The following ADAMTS12 variants were observed in gnomAD, a reference collection of about 807,000 sequenced individuals.
The protein encoded by ADAMTS12 is A disintegrin and metalloproteinase with thrombospondin motifs 12.
ADAMTS12 carries 118 observed loss-of-function variants against 167.8 expected under a neutral mutation model. The observed-to-expected ratio is 0.70, with a 90% CI of 0.61 to 0.82. The LOEUF is 0.82. Among genes scored for constraint, ADAMTS12 ranks in the 40% least tolerant of loss-of-function variants. The pLI is 0.00. For missense variants in ADAMTS12, 1,916 were observed against 1,998.8 expected, an observed-to-expected ratio of 0.96 and a Z score of 0.79; for synonymous variants, 704 against 716.9, an observed-to-expected ratio of 0.98 and a Z score of 0.29.
intron 5 of ADAMTS12, among the ~76,000 whole-genome samples, chr5:33,669,258 TCTC>T (rs1374466503): frequency 1.3e-5 from 2 of 152,202 alleles, no homozygotes; most frequent in Non-Finnish European, 2.9e-5. Flanking sequence ...CTCCAGTCTT[TCTC>T]CTGTTTCCTA....
At position 33,534,947 on chromosome 5, in the gene ADAMTS12, A is replaced by T. The variant is rs1426625246; in HGVS notation, c.4492T>A (p.Cys1498Ser). ...GTTTTATTGCCCTCTGAGGGCACAC[A>T]TTGGACAGTCCTCTTCTGAAAGCCA... ...GGGFQKRTVQ[C>S]VPSEGNKTED... is the part of the protein sequence containing the mutation. The change falls in exon 23 of 24, where the codon TGT (cysteine) becomes AGT (serine). Residue 1498 changes from cysteine (C) to serine (S), a missense_variant. Physicochemically the swap from Cys to Ser is moderately radical, Grantham distance 112. Transcript: ENST00000504830. 6 of 1,613,738 alleles carry T rather than the reference A, an allele frequency of 3.7e-6. No homozygotes were observed. Among genetic ancestry groups the T allele is most frequent in the Non-Finnish European group, 5.1e-6 (6 of 1,179,960 alleles).
chr5:33,620,849 A>C (rs1395066724), intron 14 of ADAMTS12, among the ~76,000 whole-genome samples: 1 of 152,200 alleles, frequency 6.6e-6, no homozygotes, highest in Non-Finnish European at 1.5e-5. Flanking sequence ...AACATTTTTC[A>C]ATGTATTTAT....
At chr5:33,846,772 A>AG (rs2111621871) in intron 2 of ADAMTS12, among the ~76,000 whole-genome samples, 1 of 152,328 alleles carries the variant, frequency 6.6e-6, no homozygotes, top group South Asian at 2.1e-4. Flanking sequence ...TGTTCTGATT[A>AG]AGGAAATGTT....
intron 7 of ADAMTS12, among the ~76,000 whole-genome samples, chr5:33,657,471 A>C (rs1470298102): frequency 6.6e-6 from 1 of 152,170 alleles, no homozygotes; most frequent in Non-Finnish European, 1.5e-5. Context: ...GAAAGTTACA[A>C]ATAAGCTAAG....
chr5:33,740,872 G>A (rs535862994), intron 3 of ADAMTS12, among the ~76,000 whole-genome samples: 3 of 152,194 alleles, frequency 2.0e-5, no homozygotes, highest in Non-Finnish European at 4.4e-5. Flanking sequence ...GAGGTGGACC[G>A]TGAGTGAGGC....
intron 3 of ADAMTS12, among the ~76,000 whole-genome samples, chr5:33,742,073 G>C (rs775583280): frequency 2.0e-5 from 3 of 152,090 alleles, no homozygotes; most frequent in Non-Finnish European, 2.9e-5. Flanking sequence ...TGAGGGCAGG[G>C]TCTAATTTGA....
In ADAMTS12 at chr5:33,658,429, T is replaced by A; in HGVS notation, c.1041-96A>T. The A allele has an allele frequency of 2.1e-6, 3 of 1,420,580 alleles. No homozygotes were observed. In the Admixed American group the frequency reaches 6.2e-5, roughly 29 times the overall value. 88.0% of individuals were successfully genotyped at this position (1,420,580 alleles called of 1,614,324 possible). On this transcript the variant is annotated intron_variant, in intron 6 of 23. Coordinates refer to ENST00000504830, the MANE Select transcript of ADAMTS12 (RefSeq NM_030955.4). ...GGGTATAAACTCACATTCAATATGG[T>A]CTGTAAAGTATGCTTGGCATTTTTT...
At chr5:33,580,989 G>A (rs1000555193) in intron 18 of ADAMTS12, among the ~76,000 whole-genome samples, 1 of 152,168 alleles carries the variant, frequency 6.6e-6, no homozygotes, top group Non-Finnish European at 1.5e-5. Flanking sequence ...CCATTCCTTA[G>A]TTCTGGGGCA....
chr5:33,577,029 G>A lies in ADAMTS12; in HGVS notation c.2997C>T (p.Ser999=), dbSNP rs1357083851. The change falls in exon 19 of 24, where the codon AGC becomes AGT. Residue 999 remains serine, a synonymous_variant. Transcript: ENST00000504830. ...CTTTGTTTGGTTTCAGAACTCTCCG[G>A]CTAGAAGGGCATTGCTGGAGGCCAC... ...ALCGLQQCPS[S]RRVLKPNKGT... is the part of the protein sequence containing the mutation. 1.9e-6 allele frequency: 3 copies of A among 1,614,184 alleles called. No homozygotes were observed. The highest frequency in any genetic ancestry group is 2.5e-6 in the Non-Finnish European group (3 of 1,180,016).
chr5:33,676,710 A>G (rs112564435), intron 5 of ADAMTS12, among the ~76,000 whole-genome samples: 1 of 140,108 alleles, frequency 7.1e-6, no homozygotes, highest in South Asian at 2.3e-4. Context: ...ACACACACAG[A>G]GAGAGAGAGA....
intron 22 of ADAMTS12, among the ~76,000 whole-genome samples, chr5:33,538,669 A>T (rs1191031934): frequency 6.6e-6 from 1 of 152,160 alleles, no homozygotes; most frequent in Non-Finnish European, 1.5e-5. Flanking sequence ...GCAGTAGTTC[A>T]CACAGTTTTT....
intron 3 of ADAMTS12, 39 bp downstream of exon 3, chr5:33,751,365 C>T (rs1744970270): frequency 6.2e-7 from 1 of 1,613,618 alleles, no homozygotes; most frequent in East Asian, 2.2e-5. Flanking sequence ...AAGAACAAAA[C>T]AGATTCTTCA....
chr5:33,751,309 T>TA (rs1410461118), intron 3 of ADAMTS12, 95 bp downstream of exon 3: 1 of 1,487,262 alleles, frequency 6.7e-7, no homozygotes, highest in Non-Finnish European at 9.3e-7. Context: ...ACAGAGGAGA[T>TA]AAGAGACTTG....
chr5:33,584,032 A>C (rs1747209020), intron 18 of ADAMTS12, among the ~76,000 whole-genome samples: 1 of 152,216 alleles, frequency 6.6e-6, no homozygotes, highest in South Asian at 2.1e-4. Flanking sequence ...GATATTTGAG[A>C]TGCAGTATGG....
At chr5:33,535,386 A>G (rs1194805177) in intron 22 of ADAMTS12, among the ~76,000 whole-genome samples, 1 of 152,170 alleles carries the variant, frequency 6.6e-6, no homozygotes, top group Admixed American at 6.5e-5. Context: ...AGCTGGGCCA[A>G]TCAGTCACTT....
intron 2 of ADAMTS12, among the ~76,000 whole-genome samples, chr5:33,762,449 A>G (rs1401793004): frequency 6.6e-6 from 1 of 152,030 alleles, no homozygotes; most frequent in Non-Finnish European, 1.5e-5. Context: ...CGGGGGTTGC[A>G]GTGAGCCGAG....
chr5:33,849,785 A>G (rs1250917614), intron 2 of ADAMTS12, among the ~76,000 whole-genome samples: 2 of 149,980 alleles, frequency 1.3e-5, no homozygotes, highest in South Asian at 2.1e-4. Flanking sequence ...AGCAATATAT[A>G]GTATCTATAT....
chr5:33,853,987 G>C (rs757078843), intron 2 of ADAMTS12, among the ~76,000 whole-genome samples: 1 of 152,136 alleles, frequency 6.6e-6, no homozygotes, highest in Admixed American at 6.5e-5. Flanking sequence ...GTGCATAGTC[G>C]AGCTAGGACT....
intron 3 of ADAMTS12, among the ~76,000 whole-genome samples, chr5:33,729,078 T>G (rs934493308): frequency 1.3e-5 from 2 of 152,242 alleles, no homozygotes; most frequent in Non-Finnish European, 2.9e-5. Flanking sequence ...TAGCTTGGTA[T>G]GATGATGACA....
Sources: allele counts gnomAD v4.1 joint callset (sites outside exome capture counted in the v4.1 genomes callset), GRCh38; gene constraint gnomAD v4.1.1; transcripts MANE v1.5; gene names NCBI Gene and HGNC (gene_info 2026-07-23, HGNC 2026-07-21).